Variants in OSBPL1A observed in about 807,000 individuals in gnomAD.
OSBPL1A encodes oxysterol-binding protein-related protein 1.
A neutral mutation model predicts 137.1 loss-of-function variants in OSBPL1A; 80 were observed. That is an observed-to-expected ratio of 0.58 (90% CI 0.49 to 0.70). OSBPL1A has a LOEUF of 0.70. OSBPL1A is among the 30% of genes least tolerant of loss of function. The pLI is 0.00. For synonymous variants in OSBPL1A, 365 were observed against 389.7 expected (o/e 0.94, Z 0.75); for missense variants, 970 against 1,129.4 (o/e 0.86, Z 2.02).
At chr18:24,393,208 CATAG>C (rs780916311) in intron 1 of OSBPL1A, among the ~76,000 whole-genome samples, 74 of 152,318 alleles carry the variant, frequency 4.9e-4, no homozygotes, top group African/African-American at 1.4e-3. Flanking sequence ...CACACATGTG[CATAG>C]ATACACATAT....
intron 15 of OSBPL1A, among the ~76,000 whole-genome samples, chr18:24,274,249 A>AG (rs1331259997): frequency 6.6e-6 from 1 of 151,696 alleles, no homozygotes; most frequent in Non-Finnish European, 1.5e-5. Context: ...AAAAAAAAAA[A>AG]AAATTGACGG....
intron 13 of OSBPL1A, among the ~76,000 whole-genome samples, chr18:24,307,250 T>C (rs183215041): frequency 1.3e-5 from 2 of 152,084 alleles, no homozygotes; most frequent in African/African-American, 4.8e-5. Context: ...ACCACTGCAC[T>C]CCAGCCTGGA....
Position 24,167,223 on chromosome 18 carries a change from AC to A in OSBPL1A, c.2535+105del, listed in dbSNP as rs2086163858. 6 of 1,035,290 alleles carry A rather than the reference AC, an allele frequency of 5.8e-6. No homozygotes were observed. In the East Asian group the frequency reaches 1.4e-4, roughly 25 times the overall value. The allele number at this position is 1,035,290 out of a possible 1,614,324, so 64.1% of individuals were successfully genotyped here. ...GAGCCAGTGGGGGCTCAGGATGCCA[AC>A]CTGCCTGTCTCCATGCTGCCTGGGC... On this transcript the variant is annotated intron_variant, in intron 25 of 27. Coordinates refer to ENST00000319481, the MANE Select transcript of OSBPL1A (RefSeq NM_080597.4).
chr18:24,166,713 G>C lies in OSBPL1A; in HGVS notation c.2536-11C>G, dbSNP rs748989815. ...AGTAAAATTATACATCTGAAAAGAAGCAAAAGGAAGAAATTAAAATATGCC... is the reference window on the plus strand; with the variant it reads ...AGTAAAATTATACATCTGAAAAGAACCAAAAGGAAGAAATTAAAATATGCC... On this transcript the variant is annotated splice_polypyrimidine_tract_variant and intron_variant, in intron 25 of 27. Transcript: ENST00000319481. 10 of 1,601,980 alleles carry C rather than the reference G, an allele frequency of 6.2e-6. No homozygotes were observed. Among genetic ancestry groups the C allele is most frequent in the Middle Eastern group, 1.7e-4 (1 of 6,024 alleles).
chr18:24,211,877 C>T (rs895091086), intron 17 of OSBPL1A, among the ~76,000 whole-genome samples: 5 of 150,550 alleles, frequency 3.3e-5, no homozygotes, highest in South Asian at 2.1e-4. Context: ...CCATTGCACT[C>T]CAGCCTGGGC....
At position 24,170,392 on chromosome 18, in the gene OSBPL1A, C is replaced by T. The variant is rs925857693; in HGVS notation, c.2353G>A (p.Ala785Thr). The change falls in exon 24 of 28, where the codon GCC becomes ACC. Residue 785 changes from alanine to threonine, a missense_variant. This residue lies in a region of OSBPL1A where 323 missense variants were observed against 456.8 expected (regional missense o/e 0.71). Transcript: ENST00000319481. The stretch of plus-strand genomic sequence containing the variant: ...TTTTTTTTGTAAGCGTCAAACGTGG[C>T]AGGGTCAACACTGTATAAACATTCA... ...WTECLYSVDP[A>T]TFDAYKKNDK... 1.2e-6 allele frequency: 2 copies of T among 1,614,090 alleles called. No individual in the cohort carries two copies. Among genetic ancestry groups the T allele is most frequent in the Non-Finnish European group, 8.5e-7 (1 of 1,179,986 alleles).
chr18:24,280,617 A>T (rs2146073418), intron 15 of OSBPL1A, among the ~76,000 whole-genome samples: 1 of 152,356 alleles, frequency 6.6e-6, no homozygotes, highest in Middle Eastern at 3.4e-3. Flanking sequence ...AAGTATACTT[A>T]TTAAATATGG....
chr18:24,207,080 G>A (rs1450943396), intron 17 of OSBPL1A, among the ~76,000 whole-genome samples: 5 of 152,178 alleles, frequency 3.3e-5, no homozygotes, highest in Non-Finnish European at 7.3e-5. Context: ...AGTAAGCAAT[G>A]AGGTATGAAG....
chr18:24,236,373 G>A (rs971255977), intron 16 of OSBPL1A, among the ~76,000 whole-genome samples: 11 of 152,136 alleles, frequency 7.2e-5, no homozygotes, highest in African/African-American at 2.7e-4. Context: ...GAGTGAAGGA[G>A]GAAATGGGGA....
At chr18:24,284,625 G>A (rs920702448) in intron 14 of OSBPL1A, among the ~76,000 whole-genome samples, 2 of 40,034 alleles carry the variant, frequency 5.0e-5, no homozygotes, top group African/African-American at 8.9e-5. Flanking sequence ...TGTTATCCTA[G>A]TGTAAAAAAA....
chr18:24,237,710 A>G (rs1786091), intron 16 of OSBPL1A, among the ~76,000 whole-genome samples: 1 of 152,158 alleles, frequency 6.6e-6, no homozygotes, highest in Non-Finnish European at 1.5e-5. Flanking sequence ...TCCCTCTTGT[A>G]ATTTTCCTTT....
At chr18:24,197,085 C>T (rs1195858005) in intron 17 of OSBPL1A, among the ~76,000 whole-genome samples, 1 of 152,204 alleles carries the variant, frequency 6.6e-6, no homozygotes, top group Non-Finnish European at 1.5e-5. Flanking sequence ...TGGTGGTTCA[C>T]ACCTGTAATC....
intron 4 of OSBPL1A, among the ~76,000 whole-genome samples, chr18:24,363,568 T>C (rs1248435881): frequency 8.6e-5 from 13 of 150,864 alleles, no homozygotes; most frequent in Admixed American, 6.6e-4. Flanking sequence ...TGCCTCAGCC[T>C]CCCGAGTAGC....
At position 24,351,273 on chromosome 18, in the gene OSBPL1A, C is replaced by T. The variant is rs190224577; in HGVS notation, c.283-9615G>A. Among the ~76,000 whole-genome samples, 543 of 141,662 alleles carry T rather than the reference C, an allele frequency of 3.8e-3. 2 individuals carry two copies. The highest frequency in any genetic ancestry group is 5.8e-3 in the Non-Finnish European group (383 of 66,358). The allele number at this position is 141,662 out of a possible 152,430, so 92.9% of individuals were successfully genotyped here. On this transcript the variant is annotated intron_variant, in intron 4 of 27. Coordinates refer to ENST00000319481, the MANE Select transcript of OSBPL1A (RefSeq NM_080597.4). ...CTGAGGCAGGAGAATCCTTTGAACC[C>T]GGGAGGCAAAGGTTGCAGTGAGCTG...
intron 1 of OSBPL1A, among the ~76,000 whole-genome samples, chr18:24,394,190 A>T (rs4042725): frequency 0.013 from 2,001 of 152,278 alleles, 130 homozygotes; most frequent in Admixed American, 0.11. Context: ...TTTACTTTAT[A>T]TTTGATAAAT....
At chr18:24,310,261 G>A (rs1171616686) in intron 13 of OSBPL1A, among the ~76,000 whole-genome samples, 1 of 151,624 alleles carries the variant, frequency 6.6e-6, no homozygotes, top group Non-Finnish European at 1.5e-5. Context: ...ATATAGTCGA[G>A]GTTGATGACC....
chr18:24,376,675 G>T (rs917742453), intron 2 of OSBPL1A, among the ~76,000 whole-genome samples: 1 of 152,366 alleles, frequency 6.6e-6, no homozygotes, highest in South Asian at 2.1e-4. Context: ...AGCCCATGGA[G>T]GGGGTGGGAG....
At chr18:24,321,411 C>T (rs1386025479) in intron 7 of OSBPL1A, among the ~76,000 whole-genome samples, 2 of 152,308 alleles carry the variant, frequency 1.3e-5, no homozygotes, top group East Asian at 3.9e-4. Flanking sequence ...ATCCTCTCAC[C>T]TCAGCCTCCC....
intron 4 of OSBPL1A, among the ~76,000 whole-genome samples, chr18:24,344,996 G>T (rs560790824): frequency 2.6e-5 from 4 of 151,764 alleles, no homozygotes; most frequent in Non-Finnish European, 4.4e-5. Flanking sequence ...ACATTTTTTT[G>T]TAGAGACAGG....
Sources: gnomAD v4.1 joint callset for allele counts (sites outside exome capture counted in the v4.1 genomes callset) on GRCh38, gnomAD v4.1.1 for gene constraint, gnomAD v4.1.1 regional missense constraint, MANE v1.5 for transcripts, NCBI Gene and HGNC (gene_info 2026-07-23, HGNC 2026-07-21) for gene names.